Variants in MORF4L2 observed in about 807,000 individuals in gnomAD.
MORF4L2 encodes the protein mortality factor 4 like 2.
In MORF4L2, 1 loss-of-function variant was observed where a neutral mutation model predicts 12.0. The observed-to-expected ratio is 0.08, with a 90% CI of 0.03 to 0.40. The LOEUF (loss-of-function observed/expected upper bound fraction) is 0.40. Among genes scored for constraint, MORF4L2 ranks in the 10% least tolerant of loss-of-function variants. The pLI, the probability that MORF4L2 is intolerant of heterozygous loss-of-function variation, is 0.98. For missense variants in MORF4L2, 123 were observed against 214.0 expected (o/e 0.57, Z 2.65); for synonymous variants, 69 against 81.6 (o/e 0.85, Z 0.83).
upstream of MORF4L2, chrX:103,687,314 G>A (rs1304681140): frequency 8.9e-6 from 1 of 112,266 alleles, no homozygotes; most frequent in African/African-American, 3.2e-5. Flanking sequence ...GGCGCAGTGG[G>A]GGTTCTGCTG....
In MORF4L2 at chrX:103,676,303, G is replaced by A; in HGVS notation, c.725C>T (p.Thr242Met). 1 of 1,211,227 alleles carries A rather than the reference G, an allele frequency of 8.3e-7. No individual in the cohort carries two copies. Among genetic ancestry groups the A allele is most frequent in the Non-Finnish European group, 1.1e-6 (1 of 895,228 alleles). Residue 242 changes from threonine to methionine, a missense_variant, in exon 4 of 4, where the codon ACG becomes ATG. Thr to Met is a moderately conservative substitution (Grantham distance 81, BLOSUM62 -1). Coordinates refer to ENST00000441076, the MANE Select transcript of MORF4L2 (RefSeq NM_012286.3). ...FVRIGAMLAY[T>M]PLDEKSLALL... ...TGCAAGGCTTTTCTCATCAAGGGGC[G>A]TATAGGCCAACATTGCTCCAATTCT... is the stretch of plus-strand genomic sequence containing the variant.
intron 2 of MORF4L2, among the ~76,000 whole-genome samples, chrX:103,682,693 T>C (rs186996485): frequency 1.3e-4 from 15 of 112,413 alleles, no homozygotes; most frequent in African/African-American, 4.8e-4. Flanking sequence ...AATAATTAAA[T>C]ATTAGTTTTA....
At chrX:103,683,875 T>C (rs1176067624) in intron 2 of MORF4L2, among the ~76,000 whole-genome samples, 2 of 110,975 alleles carry the variant, frequency 1.8e-5, no homozygotes, top group Non-Finnish European at 3.8e-5. Flanking sequence ...CCCTGTTGGC[T>C]TAACAGTCCA....
intron 2 of MORF4L2, among the ~76,000 whole-genome samples, chrX:103,679,967 CTT>C (rs1278993809): frequency 9.1e-6 from 1 of 110,339 alleles, no homozygotes; most frequent in African/African-American, 3.3e-5. Context: ...GGCCAAATCT[CTT>C]GAGGTCAGGA....
At chrX:103,680,736 A>G in intron 2 of MORF4L2, among the ~76,000 whole-genome samples, 1 of 112,229 alleles carries the variant, frequency 8.9e-6, no homozygotes, top group Non-Finnish European at 1.9e-5. Flanking sequence ...TTTCATATAC[A>G]CCTTATACAC....
chrX:103,675,954 T>C lies in MORF4L2; in HGVS notation c.*207A>G. ...CTGAATGTTTCTTCTTTGTTCTAAT[T>C]ACTGCATACACTGGTAGCAACTTTG... On this transcript the variant is annotated 3_prime_UTR_variant, in exon 4 of 4. Transcript: ENST00000441076. 1 of 387,258 alleles carries C rather than the reference T, an allele frequency of 2.6e-6. No individual in the cohort carries two copies. The highest frequency in any genetic ancestry group is 4.4e-6 in the Non-Finnish European group (1 of 226,794). The allele number at this position is 387,258 out of a possible 1,213,427, so 31.9% of individuals were successfully genotyped here. A position where few individuals can be genotyped will look rare whatever the true frequency, so the allele number is the denominator to read the frequency against.
rs762492880 is a variant in MORF4L2, at chrX:103,676,999, G to C, written c.29C>G (p.Pro10Arg). MSSRKQGSQ[P>R]RGQQSAEEEN... is the part of the protein sequence containing the mutation. ...TTCTTCTGCAGATTGCTGTCCACGA[G>C]GTTGAGAACCCTGCTTTCTGGAACT... is the stretch of plus-strand genomic sequence containing the variant. Residue 10 changes from proline (P) to arginine (R), a missense_variant, in exon 4 of 4, where the codon CCT becomes CGT. By Grantham distance (103) the Pro-to-Arg change is moderately radical. Transcript: ENST00000441076. The C allele has an allele frequency of 2.2e-5, 26 of 1,196,768 alleles. No individual in the cohort carries two copies. The highest frequency in any genetic ancestry group is 2.5e-5 in the Non-Finnish European group (22 of 891,372).
intron 2 of MORF4L2, among the ~76,000 whole-genome samples, chrX:103,680,326 C>CA (rs2073961059): frequency 8.9e-6 from 1 of 112,690 alleles, no homozygotes; most frequent in Non-Finnish European, 1.9e-5. Context: ...TGAAAAAGCA[C>CA]AAAGCTTTGA....
intron 1 of MORF4L2, 70 bp from the exon 2 acceptor site, chrX:103,685,330 A>G (rs1364956895): frequency 1.8e-5 from 2 of 112,480 alleles, no homozygotes; most frequent in Non-Finnish European, 3.8e-5. Context: ...TTTCTTCTAC[A>G]TCAGCCAATG....
intron 2 of MORF4L2, among the ~76,000 whole-genome samples, chrX:103,684,271 T>C (rs970199070): frequency 1.0e-5 from 1 of 97,284 alleles, no homozygotes; most frequent in Non-Finnish European, 2.0e-5. Context: ...CCATTACATG[T>C]AATAGATTTT....
At chrX:103,680,640 G>C (rs1278018704) in intron 2 of MORF4L2, among the ~76,000 whole-genome samples, 1 of 112,878 alleles carries the variant, frequency 8.9e-6, no homozygotes, top group African/African-American at 3.2e-5. Context: ...CTTGGGATGA[G>C]AAGTGTTTCA....
At chrX:103,683,509 C>T (rs1417927097) in intron 2 of MORF4L2, among the ~76,000 whole-genome samples, 2 of 112,230 alleles carry the variant, frequency 1.8e-5, no homozygotes, top group South Asian at 3.6e-4. Flanking sequence ...GATGGCTACA[C>T]TAAGAATATT....
chrX:103,686,078 T>A (rs912884926), intron 1 of MORF4L2, among the ~76,000 whole-genome samples: 7 of 108,228 alleles, frequency 6.5e-5, no homozygotes, highest in Non-Finnish European at 1.2e-4. Context: ...TCGCATGTGG[T>A]TCATCTCCAG....
chrX:103,685,640 G>T (rs1344054250), intron 1 of MORF4L2: 1 of 82,860 alleles, frequency 1.2e-5, no homozygotes. Context: ...CAAGCTCACC[G>T]GAATATCTGA....
At chrX:103,684,888 T>C (rs1370285288) in intron 2 of MORF4L2, 2 of 112,390 alleles carry the variant, frequency 1.8e-5, no homozygotes, top group Non-Finnish European at 3.8e-5. Flanking sequence ...ATGCTGCATA[T>C]AGGATGCTCC....
At chrX:103,683,982 C>T (rs188058805) in intron 2 of MORF4L2, among the ~76,000 whole-genome samples, 5 of 111,516 alleles carry the variant, frequency 4.5e-5, no homozygotes, top group African/African-American at 9.8e-5. Context: ...AGGGCAGTGC[C>T]CTCCTCCGAA....
At chrX:103,687,557 C>G (rs1461528018), upstream of MORF4L2, 1 of 111,559 alleles carries the variant, frequency 9.0e-6, no homozygotes, top group East Asian at 2.8e-4. Context: ...TGCTACTGCG[C>G]GCAGGTTGTT....
At chrX:103,686,131 C>T (rs1389625948) in intron 1 of MORF4L2, among the ~76,000 whole-genome samples, 1 of 103,736 alleles carries the variant, frequency 9.6e-6, no homozygotes, top group Non-Finnish European at 2.0e-5. Context: ...CACTCCCCCC[C>T]CCCCCACCTT....
At chrX:103,684,059 T>C (rs960536824) in intron 2 of MORF4L2, among the ~76,000 whole-genome samples, 8 of 112,322 alleles carry the variant, frequency 7.1e-5, no homozygotes, top group Non-Finnish European at 1.5e-4. Context: ...GTCAAAAGGC[T>C]GAAAAACCTT....
Sources: gnomAD v4.1 joint callset for allele counts (sites outside exome capture counted in the v4.1 genomes callset) on GRCh38, gnomAD v4.1.1 for gene constraint, MANE v1.5 for transcripts, NCBI Gene and HGNC (gene_info 2026-07-23, HGNC 2026-07-21) for gene names.